The following RUNX1 variants were observed in gnomAD, a reference collection of about 807,000 sequenced individuals.
RUNX1 encodes RUNX family transcription factor 1, also known as runt-related transcription factor 1.
A neutral mutation model predicts 42.8 loss-of-function variants in RUNX1; 19 were observed. That is an observed-to-expected ratio of 0.44 (90% CI 0.31 to 0.65). The LOEUF is 0.65. Ranked by LOEUF, RUNX1 falls within the 30% of genes least tolerant of loss-of-function variation. The probability of loss-of-function intolerance (pLI) is 0.07; values close to 1 mark genes in which losing one functional copy is unlikely to be tolerated. For synonymous variants in RUNX1, 271 were observed against 289.4 expected, an observed-to-expected ratio of 0.94 and a Z score of 0.64; for missense variants, 528 against 672.0, an observed-to-expected ratio of 0.79 and a Z score of 2.37.
At chr21:34,834,326 G>A (rs1168084093) in intron 7 of RUNX1, 84 bp downstream of exon 7, 5 of 1,396,000 alleles carry the variant, frequency 3.6e-6, no homozygotes, top group African/African-American at 2.8e-5. Flanking sequence ...AGTTGGTCTG[G>A]GAAGGTGTGT....
At chr21:34,826,113 G>A (rs759653528) in intron 7 of RUNX1, among the ~76,000 whole-genome samples, 1 of 152,220 alleles carries the variant, frequency 6.6e-6, no homozygotes, top group African/African-American at 2.4e-5. Context: ...TACTTGTGCT[G>A]TGGTTTGATT....
intron 2 of RUNX1, among the ~76,000 whole-genome samples, chr21:34,985,225 A>G (rs1289353764): frequency 6.6e-6 from 1 of 152,192 alleles, no homozygotes; most frequent in African/African-American, 2.4e-5. Flanking sequence ...TCATTTCCCT[A>G]TGGTCTCATC....
intron 7 of RUNX1, among the ~76,000 whole-genome samples, chr21:34,808,485 G>A (rs1045571498): frequency 8.5e-5 from 13 of 152,252 alleles, no homozygotes; most frequent in African/African-American, 3.1e-4. Flanking sequence ...TCAGGGCCCT[G>A]TGAATCAAGA....
At chr21:34,990,224 T>A (rs1176025801) in intron 2 of RUNX1, among the ~76,000 whole-genome samples, 1 of 152,098 alleles carries the variant, frequency 6.6e-6, no homozygotes, top group African/African-American at 2.4e-5. Flanking sequence ...GGGTGAGGCA[T>A]CAGATCCGAC....
rs2146364258 is a variant in RUNX1 at position 34,880,724 on chromosome 21, G to A, written c.352-11C>T. On this transcript the variant is annotated splice_polypyrimidine_tract_variant and intron_variant, in intron 4 of 8. Coordinates refer to ENST00000675419, the MANE Select transcript of RUNX1 (RefSeq NM_001754.5). ...CCCTAGGGCCACCACCTAAACACCAGTCAAAGGACAAATGCAGACATCAGG... is the reference window on the plus strand; with the variant it reads ...CCCTAGGGCCACCACCTAAACACCAATCAAAGGACAAATGCAGACATCAGG... 1.2e-6 allele frequency: 2 copies of A among 1,613,858 alleles called. No homozygotes were observed. Among genetic ancestry groups the A allele is most frequent in the Non-Finnish European group, 1.7e-6 (2 of 1,179,858 alleles).
intron 2 of RUNX1, among the ~76,000 whole-genome samples, chr21:34,973,663 C>T (rs114045365): frequency 3.6e-4 from 55 of 152,146 alleles, no homozygotes; most frequent in Admixed American, 1.4e-3. Flanking sequence ...ACAACACAAA[C>T]CTCCCTCCAT....
chr21:34,978,388 A>G (rs953434186), intron 2 of RUNX1, among the ~76,000 whole-genome samples: 1 of 152,180 alleles, frequency 6.6e-6, no homozygotes. Context: ...ATGAATGGAA[A>G]TGTTGTTTTA....
At chr21:34,947,405 A>C (rs976481041) in intron 2 of RUNX1, among the ~76,000 whole-genome samples, 2 of 152,246 alleles carry the variant, frequency 1.3e-5, no homozygotes, top group African/African-American at 4.8e-5. Flanking sequence ...GGCAGCTTTT[A>C]GAATAAAGAT....
At chr21:34,929,549 C>T (rs760175545) in intron 2 of RUNX1, among the ~76,000 whole-genome samples, 2 of 152,096 alleles carry the variant, frequency 1.3e-5, no homozygotes, top group Non-Finnish European at 2.9e-5. Context: ...CCAAGATGCC[C>T]AGATCAATAC....
At chr21:35,004,593 G>A (rs1020809917) in intron 2 of RUNX1, among the ~76,000 whole-genome samples, 1 of 152,094 alleles carries the variant, frequency 6.6e-6, no homozygotes, top group Non-Finnish European at 1.5e-5. Context: ...TTATCACCCC[G>A]TCCATTGTTG....
intron 7 of RUNX1, among the ~76,000 whole-genome samples, chr21:34,801,597 G>A (rs992904926): frequency 3.9e-5 from 6 of 152,112 alleles, no homozygotes; most frequent in African/African-American, 1.4e-4. Flanking sequence ...GGTGCTGGAG[G>A]GGAAGATGGC....
intron 2 of RUNX1, among the ~76,000 whole-genome samples, chr21:34,999,276 C>T (rs1486610785): frequency 1.3e-5 from 2 of 152,250 alleles, no homozygotes; most frequent in Non-Finnish European, 2.9e-5. Context: ...CCCAGCATAA[C>T]ACGTTGTTAG....
intron 6 of RUNX1, among the ~76,000 whole-genome samples, chr21:34,849,424 GTA>G (rs1236291120): frequency 2.3e-5 from 1 of 43,652 alleles, no homozygotes; most frequent in African/African-American, 8.8e-5. Flanking sequence ...ATATTATATA[GTA>G]TATATATTAT....
intron 7 of RUNX1, among the ~76,000 whole-genome samples, chr21:34,831,412 A>G (rs2057061803): frequency 6.6e-6 from 1 of 152,184 alleles, no homozygotes; most frequent in African/African-American, 2.4e-5. Flanking sequence ...ACCCTCCAGC[A>G]CATGTGATTC....
chr21:34,897,157 T>C (rs889103544), intron 2 of RUNX1, among the ~76,000 whole-genome samples: 1 of 152,212 alleles, frequency 6.6e-6, no homozygotes, highest in African/African-American at 2.4e-5. Flanking sequence ...GATCCATGGA[T>C]TGATCTTTGC....
At chr21:34,921,571 C>T (rs920451384) in intron 2 of RUNX1, among the ~76,000 whole-genome samples, 5 of 152,148 alleles carry the variant, frequency 3.3e-5, no homozygotes, top group East Asian at 1.9e-4. Flanking sequence ...GCTATTGCGA[C>T]CCATGCTGCT....
intron 2 of RUNX1, among the ~76,000 whole-genome samples, chr21:34,898,019 G>T (rs965697485): frequency 3.9e-5 from 6 of 152,174 alleles, no homozygotes; most frequent in Non-Finnish European, 8.8e-5. Flanking sequence ...AGTGAAGTCA[G>T]CATTGTAGCT....
At chr21:34,964,595 C>T (rs949624733) in intron 2 of RUNX1, among the ~76,000 whole-genome samples, 5 of 152,016 alleles carry the variant, frequency 3.3e-5, no homozygotes, top group Admixed American at 6.5e-5. Flanking sequence ...ACAGACACGC[C>T]CTATGCCTTC....
rs551929460 is a variant in RUNX1 at position 34,797,132 on chromosome 21, G to A, written c.967+2169C>T. On this transcript the variant is annotated intron_variant, in intron 8 of 8. Transcript: ENST00000675419. ...CTCCAGGCTTGATTTCTCAGAGGGA[G>A]TTCTGCCAAATTGAAGAGCAGTCTC... Among the ~76,000 whole-genome samples the A allele has an allele frequency of 5.0e-3, 762 of 152,340 alleles. 2 individuals are homozygous for A. The highest frequency in any genetic ancestry group is 7.4e-3 in the Non-Finnish European group (501 of 68,044).
Sources: gnomAD v4.1 joint callset for allele counts (sites outside exome capture counted in the v4.1 genomes callset) on GRCh38, gnomAD v4.1.1 for gene constraint, MANE v1.5 for transcripts, NCBI Gene and HGNC (gene_info 2026-07-23, HGNC 2026-07-21) for gene names.